The following WARS2 variants were observed in gnomAD, a reference collection of about 807,000 sequenced individuals.
The protein encoded by WARS2 is tryptophanyl tRNA synthetase 2, mitochondrial.
In WARS2, 28 loss-of-function variants were observed where a neutral mutation model predicts 36.5. The observed-to-expected ratio is 0.77, with a 90% CI of 0.57 to 1.05. WARS2 has a LOEUF of 1.05. WARS2 is among the 50% of genes least tolerant of loss of function. The probability of loss-of-function intolerance (pLI) is 0.00; values close to 1 mark genes in which losing one functional copy is unlikely to be tolerated. For synonymous variants in WARS2, 174 were observed against 178.4 expected (o/e 0.98, Z 0.20); for missense variants, 435 against 456.8 (o/e 0.95, Z 0.44).
chr1:119,085,303 G>A (rs1458644754), intron 1 of WARS2: 7 of 1,162,710 alleles, frequency 6.0e-6, no homozygotes, highest in East Asian at 2.4e-5. Flanking sequence ...GGGAGCTTCC[G>A]CCCCTCCCTG....
intron 1 of WARS2, among the ~76,000 whole-genome samples, chr1:119,094,330 C>A (rs1446247669): frequency 6.6e-6 from 1 of 151,954 alleles, no homozygotes; most frequent in Non-Finnish European, 1.5e-5. Context: ...GGATGGCATG[C>A]GCTATTTCAA....
At chr1:119,057,617 C>T (rs1557948031) in intron 2 of WARS2, among the ~76,000 whole-genome samples, 1 of 151,582 alleles carries the variant, frequency 6.6e-6, no homozygotes, top group Non-Finnish European at 1.5e-5. Flanking sequence ...TGGTGAAACC[C>T]CGTCTCTACT....
intron 1 of WARS2, among the ~76,000 whole-genome samples, chr1:119,108,025 T>C (rs1014808980): frequency 6.6e-6 from 1 of 152,116 alleles, no homozygotes; most frequent in East Asian, 1.9e-4. Context: ...CTGATATAAA[T>C]CCCACTTGAT....
intron 2 of WARS2, among the ~76,000 whole-genome samples, chr1:119,056,508 GTAGACT>G (rs1649824771): frequency 6.8e-6 from 1 of 146,358 alleles, no homozygotes; most frequent in African/African-American, 2.5e-5. Flanking sequence ...CTATATATTT[GTAGACT>G]TAGACTATAG....
intron 2 of WARS2, among the ~76,000 whole-genome samples, chr1:119,050,066 A>G (rs1454646115): frequency 6.6e-6 from 1 of 152,192 alleles, no homozygotes; most frequent in Non-Finnish European, 1.5e-5. Context: ...CTGTAAGATG[A>G]GGCAAAGTCA....
intron 1 of WARS2, among the ~76,000 whole-genome samples, chr1:119,122,823 GA>G (rs1415513768): frequency 1.1e-4 from 16 of 152,192 alleles, no homozygotes; most frequent in African/African-American, 3.4e-4. Flanking sequence ...TCACAAGTGG[GA>G]ACTAAGCAAC....
At chr1:119,089,345 C>T (rs1652885460) in intron 1 of WARS2, among the ~76,000 whole-genome samples, 1 of 152,132 alleles carries the variant, frequency 6.6e-6, no homozygotes, top group African/African-American at 2.4e-5. Flanking sequence ...ACCCTTCTGT[C>T]AGCTCAGGTT....
At chr1:119,123,882 C>A (rs749380804) in intron 1 of WARS2, among the ~76,000 whole-genome samples, 3 of 151,960 alleles carry the variant, frequency 2.0e-5, no homozygotes, top group Admixed American at 6.6e-5. Flanking sequence ...ACAGTCTATA[C>A]TGAGAACTCT....
At chr1:119,081,832 C>T (rs190290305) in intron 1 of WARS2, among the ~76,000 whole-genome samples, 77 of 152,180 alleles carry the variant, frequency 5.1e-4, no homozygotes, top group African/African-American at 1.5e-3. Context: ...AGAGAAGACC[C>T]GGCGTGACAC....
At chr1:119,052,383 T>C (rs569745403) in intron 2 of WARS2, among the ~76,000 whole-genome samples, 28 of 152,344 alleles carry the variant, frequency 1.8e-4, no homozygotes, top group Non-Finnish European at 3.8e-4. Context: ...TAGCAATTTA[T>C]GCTGAGTTGT....
chr1:119,138,682 C>CA (rs748993903), intron 1 of WARS2, among the ~76,000 whole-genome samples: 26 of 151,982 alleles, frequency 1.7e-4, no homozygotes, highest in Non-Finnish European at 2.9e-4. Flanking sequence ...CTCAGTCTTT[C>CA]AAAAAACCAC....
chr1:119,114,358 T>A (rs1571378740), intron 1 of WARS2, among the ~76,000 whole-genome samples: 1 of 152,328 alleles, frequency 6.6e-6, no homozygotes, highest in East Asian at 1.9e-4. Context: ...TTGCTAAGAA[T>A]TAACACTGCT....
chr1:119,094,786 G>A (rs994616396), intron 1 of WARS2, among the ~76,000 whole-genome samples: 2 of 151,894 alleles, frequency 1.3e-5, no homozygotes, highest in African/African-American at 4.8e-5. Flanking sequence ...CTCTAGACTT[G>A]TTCATCCTAC....
Position 119,032,906 on chromosome 1 carries a change from A to G in WARS2, c.*5T>C. Reference sequence around the variant, plus strand: ...AAAAGCCTTGCTGTGATTCGTTGAAACTTCCTATAGAAAACCCACCAATTT... The same window carrying G: ...AAAAGCCTTGCTGTGATTCGTTGAAGCTTCCTATAGAAAACCCACCAATTT... On this transcript the variant is annotated 3_prime_UTR_variant, in exon 6 of 6. Coordinates refer to ENST00000235521, the MANE Select transcript of WARS2 (RefSeq NM_015836.4). 1.2e-6 allele frequency: 2 copies of G among 1,605,008 alleles called. No individual in the cohort carries two copies. Among genetic ancestry groups the G allele is most frequent in the Non-Finnish European group, 1.7e-6 (2 of 1,173,982 alleles).
chr1:119,035,989 G>A (rs1647852023), intron 4 of WARS2, among the ~76,000 whole-genome samples: 1 of 152,192 alleles, frequency 6.6e-6, no homozygotes, highest in South Asian at 2.1e-4. Flanking sequence ...CGGGTCACCT[G>A]AGGTCGGGAG....
chr1:119,099,457 T>A (rs1330726497), intron 1 of WARS2, among the ~76,000 whole-genome samples: 1 of 152,218 alleles, frequency 6.6e-6, no homozygotes, highest in African/African-American at 2.4e-5. Context: ...TAGTTCCTTT[T>A]CTGCTCACCT....
At chr1:119,085,064 C>A in intron 1 of WARS2, 2 of 727,914 alleles carry the variant, frequency 2.7e-6, no homozygotes, top group Non-Finnish European at 5.1e-6. Context: ...TCCTTTTATG[C>A]CTATGGGATT....
At chr1:119,038,671 T>G (rs1196097952) in intron 4 of WARS2, among the ~76,000 whole-genome samples, 1 of 152,082 alleles carries the variant, frequency 6.6e-6, no homozygotes, top group Non-Finnish European at 1.5e-5. Flanking sequence ...TGCTTTTGTT[T>G]TCAGTCTTCT....
chr1:119,109,502 C>T (rs1266245645), intron 1 of WARS2, among the ~76,000 whole-genome samples: 3 of 151,926 alleles, frequency 2.0e-5, no homozygotes, highest in African/African-American at 7.2e-5. Context: ...GAAATTAATA[C>T]AGTTGATCCC....
Sources: allele counts gnomAD v4.1 joint callset (sites outside exome capture counted in the v4.1 genomes callset), GRCh38; gene constraint gnomAD v4.1.1; transcripts MANE v1.5; gene names NCBI Gene and HGNC (gene_info 2026-07-23, HGNC 2026-07-21).